UBR4: variants seen among roughly 807,000 people sequenced by gnomAD.
UBR4 encodes ubiquitin protein ligase E3 component n-recognin 4.
A neutral mutation model predicts 575.6 loss-of-function variants in UBR4; 124 were observed. That is an observed-to-expected ratio of 0.22 (90% confidence interval 0.19 to 0.25). UBR4 has a LOEUF of 0.25. Ranked by LOEUF, UBR4 falls within the 10% of genes least tolerant of loss-of-function variation. UBR4 has a pLI of 1.00. For synonymous variants in UBR4, 2,455 were observed against 2,473.7 expected, an observed-to-expected ratio of 0.99 and a Z score of 0.22; for missense variants, 4,818 against 6,478.8, an observed-to-expected ratio of 0.74 and a Z score of 8.80.
intron 8 of UBR4, 80 bp from the exon 9 acceptor site, chr1:19,193,637 A>C (rs544926867): frequency 6.7e-7 from 1 of 1,498,000 alleles, no homozygotes; most frequent in Admixed American, 2.3e-5. Flanking sequence ...AGCACACCCC[A>C]CCCACAAGCA....
chr1:19,209,459 GA>G (rs1203337282), intron 1 of UBR4, among the ~76,000 whole-genome samples: 1 of 152,208 alleles, frequency 6.6e-6, no homozygotes, highest in African/African-American at 2.4e-5. Context: ...ATTTTAATGC[GA>G]GGGGGATGGG....
In UBR4 at chr1:19,187,487, A is replaced by C; in HGVS notation, c.1448T>G (p.Leu483Arg). 2 of 1,613,982 alleles carry C rather than the reference A, an allele frequency of 1.2e-6. No individual in the cohort carries two copies. Among genetic ancestry groups the C allele is most frequent in the Non-Finnish European group, 8.5e-7 (1 of 1,180,022 alleles). ...SVILANHAIK[L>R]LTSLFQDLQV... ...TAGGTCTTGAAAGAGAGACGTTAGC[A>C]GTTTGATGGCATGGTTTGCCAATAT... is the stretch of plus-strand genomic sequence containing the variant. Residue 483 changes from leucine to arginine, a missense_variant, in exon 12 of 106, where the codon CTG (leucine) becomes CGG (arginine). Coordinates refer to ENST00000375254, the MANE Select transcript of UBR4 (RefSeq NM_020765.3).
intron 5 of UBR4, 145 bp from the exon 6 acceptor site, chr1:19,198,194 G>C: frequency 1.2e-6 from 1 of 835,802 alleles, no homozygotes; most frequent in Admixed American, 2.8e-5. Context: ...GAAAATACAG[G>C]TTACATTTTC....
intron 58 of UBR4, 141 bp downstream of exon 58, chr1:19,140,647 C>T (rs2083786588): frequency 2.4e-6 from 2 of 827,386 alleles, no homozygotes; most frequent in Non-Finnish European, 3.8e-6. Flanking sequence ...ACCCTCCACA[C>T]CCATCTTTCT....
intron 60 of UBR4, among the ~76,000 whole-genome samples, chr1:19,131,252 A>T (rs940461930): frequency 2.3e-4 from 32 of 137,376 alleles, no homozygotes; most frequent in South Asian, 9.4e-4. Context: ...TTAAAAAAAA[A>T]AAAAAAAAAA....
At chr1:19,147,899 C>G in intron 51 of UBR4, 94 bp downstream of exon 51, 1 of 1,527,426 alleles carries the variant, frequency 6.5e-7, no homozygotes, top group Non-Finnish European at 8.8e-7. Flanking sequence ...CCTCCCTCTA[C>G]CTTACTTTGC....
In UBR4 at chr1:19,150,593, C is replaced by T; in HGVS notation, c.7414G>A (p.Gly2472Arg). The T allele has an allele frequency of 6.2e-7, 1 of 1,613,314 alleles. No homozygotes were observed. The highest frequency in any genetic ancestry group is 8.5e-7 in the Non-Finnish European group (1 of 1,180,024). The change falls in exon 49 of 106, where the codon GGA becomes AGA. Residue 2472 changes from glycine to arginine, a missense_variant. Transcript: ENST00000375254. The stretch of plus-strand genomic sequence containing the variant: ...CACTGGTACCTCTCCAGGACAGTTC[C>T]ACTGGTCGTAGTGGGGGCAGCTGAG... ...SDSAAPTTTS[G>R]TVLERLVVSS...
intron 102 of UBR4, 180 bp from the exon 103 acceptor site, chr1:19,081,753 T>G (rs895646069): frequency 1.3e-6 from 1 of 755,660 alleles, no homozygotes; most frequent in East Asian, 2.7e-5. Context: ...TCCACGCCCT[T>G]CGTCCCCTTC....
intron 1 of UBR4, among the ~76,000 whole-genome samples, chr1:19,206,805 G>C (rs1373830271): frequency 1.3e-5 from 2 of 152,132 alleles, no homozygotes; most frequent in Non-Finnish European, 2.9e-5. Context: ...CATCCATGTT[G>C]ATCAATTCCT....
chr1:19,083,675 C>T (rs1335906003), intron 102 of UBR4, among the ~76,000 whole-genome samples: 1 of 152,248 alleles, frequency 6.6e-6, no homozygotes, highest in East Asian at 1.9e-4. Flanking sequence ...GCTGGGACTA[C>T]AGGTGTGAGC....
chr1:19,138,251 C>T, intron 59 of UBR4, 70 bp from the exon 60 acceptor site: 1 of 1,404,256 alleles, frequency 7.1e-7, no homozygotes, highest in Non-Finnish European at 9.4e-7. Flanking sequence ...CATTCTAAAG[C>T]AGCAGCAATA....
intron 86 of UBR4, 124 bp downstream of exon 86, chr1:19,104,461 G>C: frequency 8.1e-7 from 1 of 1,231,572 alleles, no homozygotes; most frequent in Non-Finnish European, 1.1e-6. Flanking sequence ...AAAAAATGCA[G>C]AGCTTAAATC....
In UBR4 at chr1:19,185,172, CGAG is replaced by C. The variant is rs903905194; in HGVS notation, c.1862_1864del (p.Pro621del). On this transcript the variant is annotated inframe_deletion, in exon 15 of 106. Coordinates refer to ENST00000375254, the MANE Select transcript of UBR4 (RefSeq NM_020765.3). ...GGCCTGCTTACTGGGGCTTTTAACC[CGAG>C]GAGAGCTTTCCAGTGGAGGAGGTGG... The C allele has an allele frequency of 6.2e-7, 1 of 1,613,956 alleles. No homozygotes were observed. The highest frequency in any genetic ancestry group is 1.3e-5 in the African/African-American group (1 of 74,886).
chr1:19,126,177 C>T (rs943162569), intron 64 of UBR4, among the ~76,000 whole-genome samples: 1 of 152,196 alleles, frequency 6.6e-6, no homozygotes, highest in Non-Finnish European at 1.5e-5. Context: ...CTTGTACCTT[C>T]TCATCTTTTT....
rs202057072 is a variant in UBR4, at chr1:19,157,859, G to T, written c.5716C>A (p.His1906Asn). The T allele has an allele frequency of 6.2e-7, 1 of 1,614,220 alleles. No homozygotes were observed. Among genetic ancestry groups the T allele is most frequent in the Admixed American group, 1.7e-5 (1 of 60,032 alleles). ...ACAGCCAAATGTTGGCGGCGCCCAT[G>T]GGGAGAGGAGAGCACACACATAGCC... is the stretch of plus-strand genomic sequence containing the variant. ...RVAMCVLSSP[H>N]GRRQHLAVSH... Residue 1906 changes from histidine (H) to asparagine (N), a missense_variant, in exon 40 of 106, where the codon CAT becomes AAT. His to Asn is a moderately conservative substitution (Grantham distance 68, BLOSUM62 1). This residue lies in a region of UBR4 where 461 missense variants were observed against 606.9 expected (regional missense o/e 0.76). Coordinates refer to ENST00000375254, the MANE Select transcript of UBR4 (RefSeq NM_020765.3). The surrounding 1 kb of genome is among the most constrained non-coding windows in gnomAD (Gnocchi z 4.4).
At chr1:19,116,318 C>T (rs745465415) in intron 73 of UBR4, among the ~76,000 whole-genome samples, 3 of 152,216 alleles carry the variant, frequency 2.0e-5, no homozygotes, top group Non-Finnish European at 4.4e-5. Flanking sequence ...CCCAAATAGT[C>T]TACCAGTAGC....
Position 19,207,767 on chromosome 1 carries a change from A to C in UBR4, c.176+2306T>G, listed in dbSNP as rs113175463. Among the ~76,000 whole-genome samples, 80 of 152,202 alleles carry C rather than the reference A, an allele frequency of 5.3e-4. 1 individual carries two copies. In the South Asian group the frequency reaches 7.7e-3, roughly 15 times the overall value. ...GAAGTCACCTGTTTTTGTATGGCTAAGAGTGGTTGAAAAAAAAAAAATCAA... is the reference window on the plus strand; with the variant it reads ...GAAGTCACCTGTTTTTGTATGGCTACGAGTGGTTGAAAAAAAAAAAATCAA... On this transcript the variant is annotated intron_variant, in intron 1 of 105. Transcript: ENST00000375254.
At position 19,088,080 on chromosome 1, in the gene UBR4, G is replaced by A. The variant is rs1305639884; in HGVS notation, c.14431-151C>T. On this transcript the variant is annotated intron_variant, in intron 98 of 105. Transcript: ENST00000375254. This position sits in a 1 kb window ranked among gnomAD's most constrained non-coding sequence, Gnocchi z 4.0. ...AGCCCTTGAGCTGTCTTCTAATAAGGATAAAGACCCAGGCCCTTCTGCTAT... is the reference window on the plus strand; with the variant it reads ...AGCCCTTGAGCTGTCTTCTAATAAGAATAAAGACCCAGGCCCTTCTGCTAT... 1 of 586,984 alleles carries A rather than the reference G, an allele frequency of 1.7e-6. No homozygotes were observed. The highest frequency in any genetic ancestry group is 1.9e-5 in the African/African-American group (1 of 53,816). The allele number at this position is 586,984 out of a possible 1,614,324, so 36.4% of individuals were successfully genotyped here. A position where few individuals can be genotyped will look rare whatever the true frequency, so the allele number is the denominator to read the frequency against.
chr1:19,115,021 G>T, intron 74 of UBR4, 72 bp from the exon 75 acceptor site: 1 of 1,593,106 alleles, frequency 6.3e-7, no homozygotes, highest in Non-Finnish European at 8.6e-7. Context: ...TGAGGAAATG[G>T]ATTGTGCCAC....
Sources: allele counts gnomAD v4.1 joint callset (sites outside exome capture counted in the v4.1 genomes callset), GRCh38; gene constraint gnomAD v4.1.1; regional missense constraint gnomAD v4.1.1; non-coding constraint Gnocchi (gnomAD v3.1); transcripts MANE v1.5; gene names NCBI Gene and HGNC (gene_info 2026-07-23, HGNC 2026-07-21).